Variants in ZNF41 observed in about 807,000 individuals in gnomAD.
ZNF41 encodes the protein zinc finger protein 41.
ZNF41 carries 6 observed loss-of-function variants against 9.3 expected under a neutral mutation model. The observed-to-expected ratio is 0.65, with a 90% CI of 0.35 to 1.28. The LOEUF (loss-of-function observed/expected upper bound fraction) is 1.28, where lower values mean the gene tolerates loss of function less well. Ranked by LOEUF, ZNF41 falls within the 50% of genes most tolerant of loss-of-function variation. ZNF41 has a pLI of 0.03. For missense variants in ZNF41, 523 were observed against 585.8 expected (o/e 0.89, Z 1.11); for synonymous variants, 192 against 207.1 (o/e 0.93, Z 0.63).
At chrX:47,475,922 C>A (rs999828888) in intron 1 of ZNF41, among the ~76,000 whole-genome samples, 3 of 111,947 alleles carry the variant, frequency 2.7e-5, no homozygotes, top group Non-Finnish European at 5.6e-5. Context: ...TTACAACAAC[C>A]AATTTAGGAA....
In ZNF41 at chrX:47,483,196, G is replaced by A. The variant is rs980881129; in HGVS notation, c.-381C>T. 3.6e-5 allele frequency among the ~76,000 whole-genome samples: 4 copies of A among 111,983 alleles called. No homozygotes were observed. The highest frequency in any genetic ancestry group is 1.3e-4 in the African/African-American group (4 of 30,801). The stretch of plus-strand genomic sequence containing the variant: ...CGAACCTGTGCAGTTGCCGCGGGGG[G>A]AGTCGTGCGTGTCAGATTTAGGCCA... On this transcript the variant is annotated 5_prime_UTR_variant, in exon 1 of 5. Transcript: ENST00000684689.
At chrX:47,476,147 G>C (rs1273875151) in intron 1 of ZNF41, among the ~76,000 whole-genome samples, 1 of 111,079 alleles carries the variant, frequency 9.0e-6, no homozygotes, top group East Asian at 2.8e-4. Context: ...GAGGCCAGGA[G>C]CTCGAGACCA....
rs192230650 is a variant in ZNF41, at chrX:47,468,181, A to T, written c.-279-421T>A. ...ATATTAAGAAATTTGCCCCAGGATC[A>T]CTCAGATAAGGGGGAAGGACAAGGA... On this transcript the variant is annotated intron_variant, in intron 1 of 4. Transcript: ENST00000684689. Among the ~76,000 whole-genome samples, 196 of 111,232 alleles carry T rather than the reference A, an allele frequency of 1.8e-3. 1 individual carries two copies. The highest frequency in any genetic ancestry group is 1.7e-3 in the Non-Finnish European group (92 of 53,038).
intron 1 of ZNF41, among the ~76,000 whole-genome samples, chrX:47,473,255 T>C (rs2057245800): frequency 9.0e-6 from 1 of 111,731 alleles, no homozygotes; most frequent in South Asian, 3.7e-4. Context: ...CAGGTTTGTC[T>C]GGTCTGTTAA....
chrX:47,469,172 G>A (rs895360244), intron 1 of ZNF41, among the ~76,000 whole-genome samples: 3 of 103,172 alleles, frequency 2.9e-5, no homozygotes, highest in Non-Finnish European at 4.0e-5. Context: ...TTAGCCGGGC[G>A]TAGTGGCGGG....
chrX:47,457,535 T>A (rs2056614095), intron 2 of ZNF41, among the ~76,000 whole-genome samples: 1 of 111,337 alleles, frequency 9.0e-6, no homozygotes, highest in Admixed American at 9.6e-5. Flanking sequence ...GTGGTTGTCA[T>A]GGGCAAGTAA....
At chrX:47,466,575 C>T (rs1167441954) in intron 2 of ZNF41, among the ~76,000 whole-genome samples, 1 of 110,320 alleles carries the variant, frequency 9.1e-6, no homozygotes, top group Non-Finnish European at 1.9e-5. Context: ...AATGCAGTGG[C>T]ATGATCTCAG....
chrX:47,449,641 G>A (rs1213012915), intron 4 of ZNF41, among the ~76,000 whole-genome samples, 167 bp from the exon 5 acceptor site: 1 of 111,956 alleles, frequency 8.9e-6, no homozygotes, highest in Non-Finnish European at 1.9e-5. Flanking sequence ...CTTAATAAAT[G>A]CAAAACAACT....
At chrX:47,471,428 G>A (rs1209508550) in intron 1 of ZNF41, among the ~76,000 whole-genome samples, 1 of 108,845 alleles carries the variant, frequency 9.2e-6, no homozygotes, top group East Asian at 2.9e-4. Flanking sequence ...CAGCCTGGGG[G>A]GATAGAGTGA....
intron 4 of ZNF41, among the ~76,000 whole-genome samples, chrX:47,455,552 T>G (rs1020428797): frequency 9.0e-6 from 1 of 111,221 alleles, no homozygotes; most frequent in Non-Finnish European, 1.9e-5. Flanking sequence ...GTCACTGCAC[T>G]CCAGCCTGGG....
chrX:47,448,564 C>A lies in ZNF41; in HGVS notation c.1206G>T (p.Gln402His). 1 of 1,211,609 alleles carries A rather than the reference C, an allele frequency of 8.3e-7. No individual in the cohort carries two copies. The highest frequency in any genetic ancestry group is 1.1e-6 in the Non-Finnish European group (1 of 895,524). The part of the protein sequence containing the change: ...FSQNSDLSIH[Q>H]KTHTGEKHYE... The stretch of plus-strand genomic sequence containing the variant: ...AGTGTTTCTCTCCGGTATGAGTTTT[C>A]TGATGTATACTGAGGTCTGAGTTCT... Residue 402 changes from glutamine (Q) to histidine (H), a missense_variant, in exon 5 of 5, where the codon CAG becomes CAT. Coordinates refer to ENST00000684689, the MANE Select transcript of ZNF41 (RefSeq NM_001324144.2).
chrX:47,450,462 C>T (rs2056321551), intron 4 of ZNF41, among the ~76,000 whole-genome samples: 2 of 111,048 alleles, frequency 1.8e-5, no homozygotes, highest in African/African-American at 3.3e-5. Flanking sequence ...CTGCCCACCT[C>T]GGGCTCCCAA....
intron 1 of ZNF41, among the ~76,000 whole-genome samples, chrX:47,472,433 CTTTTTTTTTT>C (rs767484521): frequency 5.2e-5 from 3 of 58,079 alleles, no homozygotes; most frequent in African/African-American, 7.1e-5. Flanking sequence ...AACATGGCTT[CTTTTTTTTTT>C]TTTTTTTTTT....
intron 1 of ZNF41, among the ~76,000 whole-genome samples, chrX:47,476,389 A>G (rs907025243): frequency 9.0e-6 from 1 of 111,564 alleles, no homozygotes; most frequent in Admixed American, 9.6e-5. Flanking sequence ...ACAAACACCC[A>G]CAGAAAGAGA....
At chrX:47,466,698 T>C (rs1328197995) in intron 2 of ZNF41, among the ~76,000 whole-genome samples, 3 of 110,639 alleles carry the variant, frequency 2.7e-5, no homozygotes, top group Non-Finnish European at 5.7e-5. Context: ...TTTGTATTTT[T>C]AGTAGAGATG....
chrX:47,476,416 C>T (rs768454406), intron 1 of ZNF41, among the ~76,000 whole-genome samples: 13 of 111,774 alleles, frequency 1.2e-4, no homozygotes, highest in African/African-American at 3.6e-4. Context: ...ACATGCAAAT[C>T]GCATATGTGA....
intron 1 of ZNF41, among the ~76,000 whole-genome samples, chrX:47,481,628 A>G (rs192453238): frequency 1.2e-4 from 14 of 112,076 alleles, no homozygotes; most frequent in Admixed American, 1.0e-3. Flanking sequence ...TCTCTGGGCG[A>G]CAGAGTGAGA....
chrX:47,450,277 C>T (rs748223330), intron 4 of ZNF41, among the ~76,000 whole-genome samples: 1 of 110,887 alleles, frequency 9.0e-6, no homozygotes, highest in East Asian at 2.8e-4. Flanking sequence ...GTGGTGCGAT[C>T]TCGGCTCACT....
chrX:47,470,057 A>T (rs748371519), intron 1 of ZNF41, among the ~76,000 whole-genome samples: 4 of 111,402 alleles, frequency 3.6e-5, no homozygotes, highest in Admixed American at 1.9e-4. Context: ...GAAATTGATT[A>T]AAAAATAATC....
Sources: gnomAD v4.1 joint callset for allele counts (sites outside exome capture counted in the v4.1 genomes callset) on GRCh38, gnomAD v4.1.1 for gene constraint, MANE v1.5 for transcripts, NCBI Gene and HGNC (gene_info 2026-07-23, HGNC 2026-07-21) for gene names.